Variants in DGKG observed in about 807,000 individuals in gnomAD.
DGKG encodes the protein DAG kinase gamma.
DGKG carries 78 observed loss-of-function variants against 105.3 expected under a neutral mutation model. That is an observed-to-expected ratio of 0.74 (90% CI 0.62 to 0.89). DGKG has a LOEUF of 0.89. DGKG is among the 40% of genes least tolerant of loss of function. The pLI, the probability that DGKG is intolerant of heterozygous loss-of-function variation, is 0.00. For missense variants in DGKG, 958 were observed against 1,020.1 expected (o/e 0.94, Z 0.83); for synonymous variants, 346 against 367.1 (o/e 0.94, Z 0.66).
At position 186,214,901 on chromosome 3, in the gene DGKG, A is replaced by G. The variant is rs115498676; in HGVS notation, c.1827-3016T>C. 6.3e-3 allele frequency among the ~76,000 whole-genome samples: 961 copies of G among 152,318 alleles called. 13 individuals are homozygous for G. Among genetic ancestry groups the G allele is most frequent in the African/African-American group, 0.022 (896 of 41,582 alleles). ...CACCAGAGTTCATAGCTGGAGGGAC[A>G]CCCAATTCTTAGAAGGATGTAGAAG... On this transcript the variant is annotated intron_variant, in intron 20 of 24. Transcript: ENST00000265022.
intron 20 of DGKG, among the ~76,000 whole-genome samples, chr3:186,221,649 C>G (rs1448862594): frequency 6.6e-6 from 1 of 152,214 alleles, no homozygotes; most frequent in African/African-American, 2.4e-5. Flanking sequence ...GAACTGGTAT[C>G]TGAAGGCGGT....
intron 21 of DGKG, among the ~76,000 whole-genome samples, chr3:186,206,039 A>G (rs1419943765): frequency 6.6e-6 from 1 of 152,196 alleles, no homozygotes; most frequent in African/African-American, 2.4e-5. Flanking sequence ...AGTTCATATT[A>G]GTGGAGCTGG....
In DGKG at chr3:186,203,206, C is replaced by A. The variant is rs1377912605; in HGVS notation, c.1917+8589G>T. ...TAGTGAAGGAAACTCGTAGTCAGTG[C>A]ACGACTGAAAGAGACAGAGATGGGG... On this transcript the variant is annotated intron_variant, in intron 21 of 24. Coordinates refer to ENST00000265022, the MANE Select transcript of DGKG (RefSeq NM_001346.3). This position sits in a 1 kb window ranked among gnomAD's most constrained non-coding sequence, Gnocchi z 4.9. Among the ~76,000 whole-genome samples, 1 of 152,162 alleles carries A rather than the reference C, an allele frequency of 6.6e-6. No homozygotes were observed. The highest frequency in any genetic ancestry group is 2.4e-5 in the African/African-American group (1 of 41,430).
At chr3:186,217,439 G>A (rs1322985013) in intron 20 of DGKG, among the ~76,000 whole-genome samples, 2 of 152,182 alleles carry the variant, frequency 1.3e-5, no homozygotes, top group Admixed American at 1.3e-4. Context: ...TGCTCCAAGG[G>A]ACTCTCAGCC....
chr3:186,306,838 C>A, intron 3 of DGKG, 63 bp downstream of exon 3: 2 of 1,200,986 alleles, frequency 1.7e-6, no homozygotes, highest in Non-Finnish European at 1.2e-6. Context: ...AAGAGGGAAA[C>A]AAATTATGGA....
intron 21 of DGKG, among the ~76,000 whole-genome samples, chr3:186,209,908 C>G (rs1025845806): frequency 3.9e-5 from 6 of 152,178 alleles, no homozygotes; most frequent in Non-Finnish European, 8.8e-5. Flanking sequence ...CCAGCTAATC[C>G]TCATGAATAA....
In DGKG at chr3:186,296,872, T is replaced by G. The variant is rs1308944948; in HGVS notation, c.373+549A>C. Among the ~76,000 whole-genome samples the G allele has an allele frequency of 6.6e-5, 10 of 152,194 alleles. No individual in the cohort carries two copies. In the South Asian group the frequency reaches 2.1e-3, roughly 32 times the overall value. On this transcript the variant is annotated intron_variant, in intron 5 of 24. Coordinates refer to ENST00000265022, the MANE Select transcript of DGKG (RefSeq NM_001346.3). ...CCTGGCAAATATATCTTCAAGACCATTTGAGCTGGCTTCCTTTGCTAACTT... is the reference window on the plus strand; with the variant it reads ...CCTGGCAAATATATCTTCAAGACCAGTTGAGCTGGCTTCCTTTGCTAACTT...
At chr3:186,332,798 G>T (rs1044805221) in intron 1 of DGKG, among the ~76,000 whole-genome samples, 16 of 152,140 alleles carry the variant, frequency 1.1e-4, no homozygotes, top group Admixed American at 7.2e-4. Context: ...GAGAGGTGAG[G>T]CCTTTAAGAG....
chr3:186,251,586 TG>T (rs1191762605), intron 19 of DGKG, among the ~76,000 whole-genome samples, 172 bp downstream of exon 19: 1 of 151,580 alleles, frequency 6.6e-6, no homozygotes, highest in Non-Finnish European at 1.5e-5. Flanking sequence ...AAAGCGGGGG[TG>T]CAATCAGGGT....
intron 1 of DGKG, among the ~76,000 whole-genome samples, chr3:186,349,750 C>T (rs1314717323): frequency 6.6e-6 from 1 of 152,126 alleles, no homozygotes; most frequent in Admixed American, 6.6e-5. Context: ...GTAGCTCTTG[C>T]CACTTTTTAA....
intron 12 of DGKG, 100 bp downstream of exon 12, chr3:186,268,701 C>T: frequency 1.2e-6 from 1 of 822,274 alleles, no homozygotes; most frequent in Non-Finnish European, 2.0e-6. Flanking sequence ...GCTCCCCTGG[C>T]TTTGCTCATG....
At chr3:186,342,802 T>C (rs1397513385) in intron 1 of DGKG, among the ~76,000 whole-genome samples, 1 of 152,140 alleles carries the variant, frequency 6.6e-6, no homozygotes, top group Non-Finnish European at 1.5e-5. Context: ...GATTCTGGAA[T>C]AGAGGCAGCC....
At chr3:186,355,628 G>T (rs535909659) in intron 1 of DGKG, among the ~76,000 whole-genome samples, 1 of 147,188 alleles carries the variant, frequency 6.8e-6, no homozygotes, top group East Asian at 2.0e-4. Context: ...CCCTACTACT[G>T]CCACCACTAT....
In DGKG at chr3:186,320,491, G is replaced by T. The variant is rs937729964; in HGVS notation, c.-32C>A. On this transcript the variant is annotated 5_prime_UTR_variant, in exon 2 of 25. In the 5' UTR this introduces an upstream ATG that the reference lacks. Coordinates refer to ENST00000265022, the MANE Select transcript of DGKG (RefSeq NM_001346.3). ...ACTTTATGTGAGTGGCTAAAGGGCAGTGATGGAGTTTTGTTCACTAGGCTG... is the reference window on the plus strand; with the variant it reads ...ACTTTATGTGAGTGGCTAAAGGGCATTGATGGAGTTTTGTTCACTAGGCTG... The T allele has an allele frequency of 1.9e-6, 3 of 1,614,176 alleles. No homozygotes were observed. Among genetic ancestry groups the T allele is most frequent in the Non-Finnish European group, 2.5e-6 (3 of 1,180,020 alleles).
chr3:186,148,651 C>G lies in DGKG; in HGVS notation c.*1439G>C. ...CTCTCAAGCTGCATTAGCCAAGACA[C>G]CATGGAAAAGTCTCTGAACTTTTCT... On this transcript the variant is annotated 3_prime_UTR_variant, in exon 25 of 25. Coordinates refer to ENST00000265022, the MANE Select transcript of DGKG (RefSeq NM_001346.3). 1.0e-6 allele frequency: 1 copy of G among 985,272 alleles called. No individual in the cohort carries two copies. The highest frequency in any genetic ancestry group is 1.2e-6 in the Non-Finnish European group (1 of 829,858). 61.0% of individuals were successfully genotyped at this position (985,272 alleles called of 1,614,324 possible). A position where few individuals can be genotyped will look rare whatever the true frequency, so the allele number is the denominator to read the frequency against.
intron 22 of DGKG, among the ~76,000 whole-genome samples, chr3:186,165,347 G>A (rs1716489720): frequency 6.6e-6 from 1 of 152,204 alleles, no homozygotes; most frequent in South Asian, 2.1e-4. Flanking sequence ...CAACCCCTAT[G>A]CAGCTAAAGA....
chr3:186,320,602 A>G lies in DGKG; in HGVS notation c.-143T>C. On this transcript the variant is annotated 5_prime_UTR_variant, in exon 2 of 25. Transcript: ENST00000265022. ...GACTTCTGGGAGCACTCAAGTGTATACAGCAGCAGCAGGCACCTCTCAGAA... is the reference window on the plus strand; with the variant it reads ...GACTTCTGGGAGCACTCAAGTGTATGCAGCAGCAGCAGGCACCTCTCAGAA... 7.2e-7 allele frequency: 1 copy of G among 1,392,176 alleles called. No individual in the cohort carries two copies. The highest frequency in any genetic ancestry group is 9.6e-7 in the Non-Finnish European group (1 of 1,036,694). 86.2% of individuals were successfully genotyped at this position (1,392,176 alleles called of 1,614,324 possible). A position where few individuals can be genotyped will look rare whatever the true frequency, so the allele number is the denominator to read the frequency against.
intron 1 of DGKG, among the ~76,000 whole-genome samples, chr3:186,346,231 C>T (rs571226029): frequency 2.8e-4 from 42 of 152,174 alleles, no homozygotes; most frequent in Non-Finnish European, 5.3e-4. Flanking sequence ...AATTTTAATT[C>T]TGCTGTTGTG....
intron 1 of DGKG, among the ~76,000 whole-genome samples, chr3:186,351,433 T>G (rs1346815315): frequency 2.0e-5 from 3 of 152,256 alleles, no homozygotes; most frequent in South Asian, 4.1e-4. Flanking sequence ...GAGGCCCCCT[T>G]CCCACACCTC....
Sources: allele counts gnomAD v4.1 joint callset (sites outside exome capture counted in the v4.1 genomes callset), GRCh38; gene constraint gnomAD v4.1.1; non-coding constraint Gnocchi (gnomAD v3.1); transcripts MANE v1.5; gene names NCBI Gene and HGNC (gene_info 2026-07-23, HGNC 2026-07-21).